ATP7A: variants seen among roughly 807,000 people sequenced by gnomAD.
ATP7A encodes copper-transporting ATPase 1.
A neutral mutation model predicts 83.5 loss-of-function variants in ATP7A; 7 were observed. The ratio of observed to expected loss-of-function variants is 0.08; its 90% CI spans 0.05 to 0.16. The LOEUF (loss-of-function observed/expected upper bound fraction) is 0.16, where lower values mean the gene tolerates loss of function less well. ATP7A is among the 10% of genes least tolerant of loss of function. ATP7A has a pLI of 1.00. For synonymous variants in ATP7A, 354 were observed against 395.2 expected (o/e 0.90, Z 1.24); for missense variants, 940 against 1,120.8 (o/e 0.84, Z 2.30).
Position 77,995,846 on chromosome X carries a change from C to T in ATP7A, c.1337-2632C>T, listed in dbSNP as rs781871464. On this transcript the variant is annotated intron_variant, in intron 4 of 22. Coordinates refer to ENST00000341514, the MANE Select transcript of ATP7A (RefSeq NM_000052.7). ...GCAACCTCCGCCTCCCGGGTTCAAG[C>T]GATTCTCCTGTCTCAGCCTCCCAAG... Among the ~76,000 whole-genome samples, 6 of 110,867 alleles carry T rather than the reference C, an allele frequency of 5.4e-5. No individual in the cohort carries two copies. The South Asian group carries it at 2.3e-3, about 43-fold the overall frequency.
intron 4 of ATP7A, among the ~76,000 whole-genome samples, chrX:77,997,479 G>C (rs1474907605): frequency 8.9e-6 from 1 of 112,375 alleles, no homozygotes; most frequent in Non-Finnish European, 1.9e-5. Context: ...CTGTGCAGGG[G>C]TTCCTTTGTC....
chrX:77,950,376 G>A (rs1431641764), intron 1 of ATP7A, among the ~76,000 whole-genome samples: 1 of 111,640 alleles, frequency 9.0e-6, no homozygotes, highest in Non-Finnish European at 1.9e-5. Context: ...CTTGGCATGG[G>A]ATGTGTGTTT....
chrX:77,974,512 T>C (rs1557230044), intron 2 of ATP7A, among the ~76,000 whole-genome samples: 1 of 111,116 alleles, frequency 9.0e-6, no homozygotes, highest in Non-Finnish European at 1.9e-5. Context: ...CAAACCTTCA[T>C]TACAATTTTG....
At chrX:78,015,395 A>G (rs1408362408) in intron 11 of ATP7A, among the ~76,000 whole-genome samples, 1 of 112,506 alleles carries the variant, frequency 8.9e-6, no homozygotes, top group Non-Finnish European at 1.9e-5. Context: ...AAAGCTAAAG[A>G]CTTGATTATA....
At chrX:78,046,179 AC>A in intron 22 of ATP7A, 114 bp from the exon 23 acceptor site, 1 of 881,784 alleles carries the variant, frequency 1.1e-6, no homozygotes, top group Non-Finnish European at 1.6e-6. Flanking sequence ...TCACCTTTAT[AC>A]ATTTCATACC....
At chrX:78,011,003 G>T (rs1263881616) in intron 7 of ATP7A, among the ~76,000 whole-genome samples, 173 bp from the exon 8 acceptor site, 1 of 111,834 alleles carries the variant, frequency 8.9e-6, no homozygotes, top group African/African-American at 3.2e-5. Flanking sequence ...TTTGATGAAA[G>T]ATTGGAAACA....
intron 5 of ATP7A, among the ~76,000 whole-genome samples, chrX:77,999,581 A>G (rs1409902986): frequency 3.6e-5 from 4 of 111,645 alleles, no homozygotes; most frequent in African/African-American, 1.3e-4. Context: ...ACTTCCCAGT[A>G]TAGCACAGTA....
chrX:78,012,396 A>C (rs2077833374), intron 9 of ATP7A, among the ~76,000 whole-genome samples: 1 of 110,800 alleles, frequency 9.0e-6, no homozygotes. Flanking sequence ...AAGATGGGTG[A>C]GTTTTATACA....
intron 7 of ATP7A, among the ~76,000 whole-genome samples, chrX:78,010,698 G>A (rs1425064680): frequency 9.8e-6 from 1 of 101,884 alleles, no homozygotes; most frequent in Non-Finnish European, 2.0e-5. Context: ...TCCTGTCTCA[G>A]CTTCCCGAGC....
chrX:78,049,722 A>C lies in ATP7A; in HGVS notation c.*3152A>C, dbSNP rs2078102986. The C allele has an allele frequency of 8.9e-6, 1 of 112,806 alleles. No individual in the cohort carries two copies. The highest frequency in any genetic ancestry group is 1.9e-5 in the Non-Finnish European group (1 of 53,259). 9.3% of individuals were successfully genotyped at this position (112,806 alleles called of 1,213,427 possible). A position where few individuals can be genotyped will look rare whatever the true frequency, so the allele number is the denominator to read the frequency against. On this transcript the variant is annotated 3_prime_UTR_variant, in exon 23 of 23. Coordinates refer to ENST00000341514, the MANE Select transcript of ATP7A (RefSeq NM_000052.7). ...TTTATTCATATGTATAGAATGCTTA[A>C]AATAGCACTGTAGACAAGATGTTTC...
rs782139442 is a variant in ATP7A at position 78,011,753 on chromosome X, A to G, written c.2172+79A>G. 7.6e-6 allele frequency: 7 copies of G among 918,751 alleles called. No homozygotes were observed. In the South Asian group the frequency reaches 9.8e-5, roughly 13 times the overall value. 75.7% of individuals were successfully genotyped at this position (918,751 alleles called of 1,213,427 possible). A position where few individuals can be genotyped will look rare whatever the true frequency, so the allele number is the denominator to read the frequency against. On this transcript the variant is annotated intron_variant, in intron 9 of 22. Transcript: ENST00000341514. The stretch of plus-strand genomic sequence containing the variant: ...TGGCAGGCAAGGTTTATTTTCAGCT[A>G]CAAAACTGATGTTAGCTAGAAGTCT...
At position 78,038,760 on chromosome X, in the gene ATP7A, C is replaced by T. The variant is rs1355189067; in HGVS notation, c.3512-76C>T. 8 of 1,096,483 alleles carry T rather than the reference C, an allele frequency of 7.3e-6. No homozygotes were observed. In the African/African-American group the frequency reaches 1.3e-4, roughly 17 times the overall value. The allele number at this position is 1,096,483 out of a possible 1,213,427, so 90.4% of individuals were successfully genotyped here. A position where few individuals can be genotyped will look rare whatever the true frequency, so the allele number is the denominator to read the frequency against. On this transcript the variant is annotated intron_variant, in intron 17 of 22. Coordinates refer to ENST00000341514, the MANE Select transcript of ATP7A (RefSeq NM_000052.7). The stretch of plus-strand genomic sequence containing the variant: ...AATGTAGTGACTGTGCAAGGTTAGA[C>T]AGGAAGAACTTGCTTCATGGGGTTT...
At chrX:77,946,627 A>G (rs1466259729) in intron 1 of ATP7A, among the ~76,000 whole-genome samples, 1 of 109,746 alleles carries the variant, frequency 9.1e-6, no homozygotes, top group African/African-American at 3.3e-5. Context: ...GTATCTTTCC[A>G]TTTATTCATA....
intron 1 of ATP7A, among the ~76,000 whole-genome samples, chrX:77,956,753 T>G (rs2077444767): frequency 1.0e-5 from 1 of 99,837 alleles, no homozygotes; most frequent in Admixed American, 1.1e-4. Flanking sequence ...CTTTCTTTCT[T>G]TCTTTCTTTC....
intron 2 of ATP7A, among the ~76,000 whole-genome samples, chrX:77,975,209 A>C (rs1431854899): frequency 9.0e-6 from 1 of 111,223 alleles, no homozygotes; most frequent in Non-Finnish European, 1.9e-5. Context: ...ACCAGTTGCC[A>C]TTTCTAAGCC....
At chrX:78,030,616 A>G (rs1165658985) in intron 15 of ATP7A, among the ~76,000 whole-genome samples, 2 of 110,514 alleles carry the variant, frequency 1.8e-5, no homozygotes, top group African/African-American at 6.6e-5. Flanking sequence ...CAGTTGTCTC[A>G]ATAATGTGCT....
chrX:77,913,569 G>A (rs1162592898), intron 1 of ATP7A, among the ~76,000 whole-genome samples: 3 of 111,878 alleles, frequency 2.7e-5, no homozygotes, highest in Non-Finnish European at 3.8e-5. Flanking sequence ...AGATAGTTTG[G>A]CAGGAAAAAT....
chrX:77,931,828 C>T (rs1603371652), intron 1 of ATP7A, among the ~76,000 whole-genome samples: 1 of 93,336 alleles, frequency 1.1e-5, no homozygotes, highest in African/African-American at 4.0e-5. Flanking sequence ...GGCTGACCCC[C>T]CCCACCTCCC....
intron 1 of ATP7A, chrX:77,963,674 A>G (rs2077487046): frequency 9.0e-6 from 1 of 111,264 alleles, no homozygotes; most frequent in Non-Finnish European, 1.9e-5. Flanking sequence ...ATCTTGGCTC[A>G]CTGCAATCTC....
Sources: gnomAD v4.1 joint callset for allele counts (sites outside exome capture counted in the v4.1 genomes callset) on GRCh38, gnomAD v4.1.1 for gene constraint, MANE v1.5 for transcripts, NCBI Gene and HGNC (gene_info 2026-07-23, HGNC 2026-07-21) for gene names.